The following SRGAP2C variants were observed in gnomAD, a reference collection of about 807,000 sequenced individuals.
The protein encoded by SRGAP2C is SLIT-ROBO Rho GTPase-activating protein 2C.
In SRGAP2C, 15 loss-of-function variants were observed where a neutral mutation model predicts 25.1. The ratio of observed to expected loss-of-function variants is 0.60; its 90% CI spans 0.40 to 0.92. The LOEUF (loss-of-function observed/expected upper bound fraction) is 0.92, where lower values mean the gene tolerates loss of function less well. Ranked by LOEUF, SRGAP2C falls within the 40% of genes least tolerant of loss-of-function variation. The pLI is 0.00. For synonymous variants in SRGAP2C, 44 were observed against 96.6 expected, an observed-to-expected ratio of 0.46 and a Z score of 3.19; for missense variants, 144 against 264.4, an observed-to-expected ratio of 0.54 and a Z score of 3.16.
chr1:121,354,274 CTTT>C lies in SRGAP2C; in HGVS notation c.424-11018_424-11016del. Among the ~76,000 whole-genome samples, 2 of 32,584 alleles carry C rather than the reference CTTT, an allele frequency of 6.1e-5. 1 individual carries two copies. Among genetic ancestry groups the C allele is most frequent in the African/African-American group, 2.2e-4 (2 of 9,004 alleles). 21.4% of individuals were successfully genotyped at this position (32,584 alleles called of 152,430 possible). A position where few individuals can be genotyped will look rare whatever the true frequency, so the allele number is the denominator to read the frequency against. ...TTCTTTCTCTCTCCTTTCTTTCTTT[CTTT>C]CTTTCTTTCTTTCTTTCTTTCTTTC... On this transcript the variant is annotated intron_variant, in intron 4 of 9. Coordinates refer to ENST00000367123, the MANE Select transcript of SRGAP2C (RefSeq NM_001329984.2).
Position 121,386,181 on chromosome 1 carries a change from ATCTT to A in SRGAP2C, c.1057-324_1057-321del, listed in dbSNP as rs1266938397. Among the ~76,000 whole-genome samples, 12 of 55,448 alleles carry A rather than the reference ATCTT, an allele frequency of 2.2e-4. 1 individual carries two copies. In the East Asian group the frequency reaches 6.9e-3, roughly 32 times the overall value. The allele number at this position is 55,448 out of a possible 152,430, so 36.4% of individuals were successfully genotyped here. On this transcript the variant is annotated intron_variant, in intron 8 of 9. Transcript: ENST00000367123. ...TGGCCACTTGGACCTTTGGCAGGAA[ATCTT>A]CACTGTGCCAAAGCATTGTGTTTCT...
chr1:121,338,256 C>CAG (rs1400572081), intron 4 of SRGAP2C, among the ~76,000 whole-genome samples: 1 of 150,204 alleles, frequency 6.7e-6, no homozygotes, highest in South Asian at 2.1e-4. Context: ...CCAGCTTGTC[C>CAG]AGAGAGAGAG....
chr1:121,193,671 T>TTC (rs1553320140), intron 2 of SRGAP2C, among the ~76,000 whole-genome samples: 1 of 52,854 alleles, frequency 1.9e-5, no homozygotes, highest in East Asian at 7.9e-4. Context: ...TTTTTTCTTT[T>TTC]TTTTTTTTTT....
At chr1:121,270,991 GT>G (rs1390508546) in intron 2 of SRGAP2C, among the ~76,000 whole-genome samples, 1 of 151,062 alleles carries the variant, frequency 6.6e-6, no homozygotes, top group Non-Finnish European at 1.5e-5. Context: ...TAGAGACGGG[GT>G]TTCACTGTGT....
At chr1:121,185,220 G>C (rs2101349799) in intron 1 of SRGAP2C, 96 bp downstream of exon 1, 1 of 470,918 alleles carries the variant, frequency 2.1e-6, no homozygotes, top group Non-Finnish European at 3.6e-6. Flanking sequence ...GAGAGGGCGC[G>C]GATGCTGCTC....
At chr1:121,280,341 G>A (rs1371393848) in intron 2 of SRGAP2C, among the ~76,000 whole-genome samples, 30 of 151,702 alleles carry the variant, frequency 2.0e-4, no homozygotes, top group East Asian at 5.8e-4. Flanking sequence ...ATTTCTTTCC[G>A]CTATTGATGA....
chr1:121,271,360 T>C (rs1406988786), intron 2 of SRGAP2C, among the ~76,000 whole-genome samples: 53 of 148,198 alleles, frequency 3.6e-4, no homozygotes, highest in African/African-American at 1.3e-3. Context: ...AACAGTAACA[T>C]GAGTTGCATA....
chr1:121,295,484 T>C (rs1210590396), intron 3 of SRGAP2C, among the ~76,000 whole-genome samples: 2 of 151,318 alleles, frequency 1.3e-5, no homozygotes, highest in Non-Finnish European at 2.9e-5. Flanking sequence ...ATTTAGCAAA[T>C]ATATATCTTC....
chr1:121,201,786 T>C (rs1553321733), intron 2 of SRGAP2C, among the ~76,000 whole-genome samples: 2 of 152,204 alleles, frequency 1.3e-5, no homozygotes, highest in African/African-American at 4.8e-5. Flanking sequence ...TGAGTAAGAA[T>C]TTGAAAAATT....
intron 5 of SRGAP2C, among the ~76,000 whole-genome samples, chr1:121,370,606 T>C (rs1553350773): frequency 6.6e-6 from 1 of 151,184 alleles, no homozygotes. Flanking sequence ...CACGCCCAGT[T>C]AATTTATTTT....
At chr1:121,375,960 G>C (rs1345092429) in intron 7 of SRGAP2C, among the ~76,000 whole-genome samples, 3 of 150,958 alleles carry the variant, frequency 2.0e-5, no homozygotes, top group African/African-American at 7.3e-5. Flanking sequence ...TGAGGAAAGC[G>C]GTTAATAGGC....
At chr1:121,270,372 A>G (rs1656912544) in intron 2 of SRGAP2C, among the ~76,000 whole-genome samples, 1 of 149,378 alleles carries the variant, frequency 6.7e-6, no homozygotes, top group African/African-American at 2.4e-5. Flanking sequence ...ATTCTTAAAT[A>G]ACTCTTTCTT....
At position 121,391,085 on chromosome 1, in the gene SRGAP2C, G is replaced by C. The variant is rs587769299; in HGVS notation, c.*3230G>C. 2 of 147,226 alleles carry C rather than the reference G, an allele frequency of 1.4e-5. No individual in the cohort carries two copies. The highest frequency in any genetic ancestry group is 5.0e-5 in the African/African-American group (2 of 39,782). The allele number at this position is 147,226 out of a possible 1,614,324, so 9.1% of individuals were successfully genotyped here. On this transcript the variant is annotated 3_prime_UTR_variant, in exon 10 of 10. Coordinates refer to ENST00000367123, the MANE Select transcript of SRGAP2C (RefSeq NM_001329984.2). ...TAAAAAATAAATAAATCTGCTGGGC[G>C]TGGTGGCTCACGCCTGTAATCCCAG... is the stretch of plus-strand genomic sequence containing the variant.
intron 3 of SRGAP2C, 43 bp from the exon 4 acceptor site, chr1:121,324,435 T>A: frequency 6.2e-7 from 1 of 1,600,776 alleles, no homozygotes; most frequent in Non-Finnish European, 8.6e-7. Context: ...TTGCCCTGGC[T>A]GTGTATCAAC....
intron 3 of SRGAP2C, among the ~76,000 whole-genome samples, chr1:121,292,018 G>A (rs1657503133): frequency 7.4e-6 from 1 of 135,174 alleles, no homozygotes; most frequent in African/African-American, 2.8e-5. Flanking sequence ...ACAGTTTTAT[G>A]TGGGGTAGGT....
rs1229772668 is a variant in SRGAP2C, at chr1:121,275,748, C to T, written c.68-9055C>T. Among the ~76,000 whole-genome samples, 4 of 145,582 alleles carry T rather than the reference C, an allele frequency of 2.7e-5. No homozygotes were observed. The East Asian group carries it at 6.2e-4, about 22-fold the overall frequency. ...GAACGTCTTTTGGAAACTTGTAGGGCCATTTTTCTTCTTCTCTTTCCCACT... is the reference window on the plus strand; with the variant it reads ...GAACGTCTTTTGGAAACTTGTAGGGTCATTTTTCTTCTTCTCTTTCCCACT... On this transcript the variant is annotated intron_variant, in intron 2 of 9. Coordinates refer to ENST00000367123, the MANE Select transcript of SRGAP2C (RefSeq NM_001329984.2).
chr1:121,286,352 TC>T (rs1657365912), intron 3 of SRGAP2C, among the ~76,000 whole-genome samples: 1 of 148,142 alleles, frequency 6.8e-6, no homozygotes, highest in Non-Finnish European at 1.5e-5. Context: ...GCTCTAGTGA[TC>T]CTCCTGCCTC....
chr1:121,278,198 C>T (rs1361603495), intron 2 of SRGAP2C, among the ~76,000 whole-genome samples: 4 of 151,904 alleles, frequency 2.6e-5, no homozygotes, highest in Non-Finnish European at 5.9e-5. Context: ...CGGCCCACCT[C>T]GGCTTCCCAA....
intron 2 of SRGAP2C, among the ~76,000 whole-genome samples, chr1:121,224,106 T>A (rs1388604690): frequency 6.6e-6 from 1 of 151,538 alleles, no homozygotes; most frequent in Admixed American, 6.6e-5. Flanking sequence ...ATACAGTTTC[T>A]GCCTCTGAGC....
Sources: gnomAD v4.1 joint callset for allele counts (sites outside exome capture counted in the v4.1 genomes callset) on GRCh38, gnomAD v4.1.1 for gene constraint, MANE v1.5 for transcripts, NCBI Gene and HGNC (gene_info 2026-07-23, HGNC 2026-07-21) for gene names.